Variants in LY86 observed in about 807,000 individuals in gnomAD.
The protein encoded by LY86 is lymphocyte antigen 86, also known as MD-1, RP105-associated.
In LY86, 20 loss-of-function variants were observed where a neutral mutation model predicts 17.3. The ratio of observed to expected loss-of-function variants is 1.15; its 90% CI spans 0.81 to 1.68. LY86 has a LOEUF of 1.68. Ranked by LOEUF, LY86 falls within the 40% of genes most tolerant of loss-of-function variation. The pLI is 0.00. For missense variants in LY86, 200 were observed against 191.9 expected, an observed-to-expected ratio of 1.04 and a Z score of -0.25; for synonymous variants, 74 against 70.6, an observed-to-expected ratio of 1.05 and a Z score of -0.24.
intron 1 of LY86, among the ~76,000 whole-genome samples, chr6:6,600,564 TGAGA>T (rs1324943900): frequency 9.5e-4 from 114 of 119,992 alleles, no homozygotes; most frequent in African/African-American, 2.6e-3. Context: ...CACTCCAGCC[TGAGA>T]GACAGAGTGA....
chr6:6,644,963 A>C (rs1762089597), intron 3 of LY86, among the ~76,000 whole-genome samples: 2 of 152,174 alleles, frequency 1.3e-5, no homozygotes, highest in South Asian at 2.1e-4. Context: ...ATGAGCCCCC[A>C]AAAAAGCTCC....
intron 3 of LY86, among the ~76,000 whole-genome samples, chr6:6,635,612 T>A (rs927596356): frequency 1.3e-5 from 2 of 152,180 alleles, no homozygotes; most frequent in Non-Finnish European, 2.9e-5. Flanking sequence ...CACCTTTGAT[T>A]TCTGGGCCAT....
At chr6:6,608,347 A>C (rs1027888037) in intron 1 of LY86, among the ~76,000 whole-genome samples, 1 of 152,264 alleles carries the variant, frequency 6.6e-6, no homozygotes, top group African/African-American at 2.4e-5. Context: ...ATTTCAAGAG[A>C]TAGCTAGCAT....
chr6:6,621,382 T>G (rs1761670378), intron 1 of LY86: 1 of 152,238 alleles, frequency 6.6e-6, no homozygotes, highest in South Asian at 2.1e-4. Flanking sequence ...TCACTGTTCA[T>G]ACTGTAGAAG....
chr6:6,601,360 GAA>G (rs1760901238), intron 1 of LY86, among the ~76,000 whole-genome samples: 1 of 145,584 alleles, frequency 6.9e-6, no homozygotes, highest in Non-Finnish European at 1.5e-5. Flanking sequence ...GTCAAACATG[GAA>G]ATATCTTCAT....
intron 1 of LY86, among the ~76,000 whole-genome samples, chr6:6,594,595 T>C (rs576337078): frequency 6.6e-6 from 1 of 152,320 alleles, no homozygotes; most frequent in African/African-American, 2.4e-5. Context: ...CTTCGCCAGA[T>C]CAGAGTCTCA....
intron 3 of LY86, among the ~76,000 whole-genome samples, chr6:6,632,389 G>A (rs780881494): frequency 5.3e-5 from 8 of 152,140 alleles, no homozygotes; most frequent in African/African-American, 1.9e-4. Flanking sequence ...TTCATTATTG[G>A]GTAAGAGTGG....
chr6:6,613,022 GTA>G (rs1356363312), intron 1 of LY86, among the ~76,000 whole-genome samples: 3 of 152,154 alleles, frequency 2.0e-5, no homozygotes, highest in African/African-American at 7.2e-5. Context: ...GCTGATTGGT[GTA>G]TTTACAATCC....
At chr6:6,603,591 CAA>C (rs779324556) in intron 1 of LY86, among the ~76,000 whole-genome samples, 1 of 23,378 alleles carries the variant, frequency 4.3e-5, no homozygotes, top group African/African-American at 8.2e-5. Context: ...AAGCCAAAAA[CAA>C]AAACAGAAAC....
At position 6,646,264 on chromosome 6, in the gene LY86, G is replaced by A. The variant is rs367925895; in HGVS notation, c.353-3361G>A. On this transcript the variant is annotated intron_variant, in intron 3 of 4. Transcript: ENST00000230568. ...ACTTGCCCAATTAATAGAAAAAAGA[G>A]CTCAGATTCAAGCCCAGATAGTCTG... Among the ~76,000 whole-genome samples the A allele has an allele frequency of 7.9e-5, 12 of 152,228 alleles. 1 individual carries two copies. In the East Asian group the frequency reaches 1.9e-3, roughly 25 times the overall value.
At chr6:6,628,921 A>C (rs1761851021) in intron 3 of LY86, among the ~76,000 whole-genome samples, 1 of 152,246 alleles carries the variant, frequency 6.6e-6, no homozygotes, top group Non-Finnish European at 1.5e-5. Context: ...ACATGCATCA[A>C]ATCCTAGCAG....
intron 2 of LY86, among the ~76,000 whole-genome samples, chr6:6,626,031 G>T (rs551780736): frequency 8.3e-4 from 127 of 152,330 alleles, no homozygotes; most frequent in African/African-American, 2.8e-3. Context: ...TAGCATCAGG[G>T]TGGGGAGCTC....
chr6:6,599,809 G>T (rs1221518491), intron 1 of LY86, among the ~76,000 whole-genome samples: 1 of 152,172 alleles, frequency 6.6e-6, no homozygotes, highest in Non-Finnish European at 1.5e-5. Context: ...TCCTAACCAT[G>T]GTCACAAAGC....
chr6:6,647,975 ACACACACACACAC>A lies in LY86; in HGVS notation c.353-1649_353-1637del, dbSNP rs1762130746. Among the ~76,000 whole-genome samples, 3 of 29,352 alleles carry A rather than the reference ACACACACACACAC, an allele frequency of 1.0e-4. No homozygotes were observed. In the South Asian group the frequency reaches 5.3e-3, roughly 52 times the overall value. 19.3% of individuals were successfully genotyped at this position (29,352 alleles called of 152,430 possible). ...AGCTCTTCAATCATCACATACACACACACACACACACACACACACACACACACACACACACACT... is the reference window on the plus strand; with the variant it reads ...AGCTCTTCAATCATCACATACACACAACACACACACACACACACACACACT... On this transcript the variant is annotated intron_variant, in intron 3 of 4. Coordinates refer to ENST00000230568, the MANE Select transcript of LY86 (RefSeq NM_004271.4).
At chr6:6,596,858 A>C (rs1760730029) in intron 1 of LY86, among the ~76,000 whole-genome samples, 1 of 152,238 alleles carries the variant, frequency 6.6e-6, no homozygotes, top group African/African-American at 2.4e-5. Flanking sequence ...TACTTTTTAA[A>C]CGAGATGCTA....
At chr6:6,612,583 G>C (rs1251344504) in intron 1 of LY86, among the ~76,000 whole-genome samples, 2 of 148,776 alleles carry the variant, frequency 1.3e-5, no homozygotes, top group African/African-American at 4.9e-5. Context: ...CCTGCAGCCT[G>C]ACTTTATTCT....
chr6:6,646,736 T>G (rs747168655), intron 3 of LY86, among the ~76,000 whole-genome samples: 40 of 152,198 alleles, frequency 2.6e-4, no homozygotes, highest in Middle Eastern at 3.2e-3. Context: ...GATTCTACGG[T>G]ATATTATTAT....
At chr6:6,594,052 T>C (rs1311226004) in intron 1 of LY86, among the ~76,000 whole-genome samples, 2 of 152,274 alleles carry the variant, frequency 1.3e-5, no homozygotes, top group African/African-American at 4.8e-5. Flanking sequence ...AAGGGTCAGA[T>C]AGAGTTCTGG....
rs1383011029 is a variant in LY86, at chr6:6,588,859, A to C, written c.125A>C (p.Tyr42Ser). The C allele has an allele frequency of 1.2e-6, 2 of 1,613,816 alleles. No homozygotes were observed. Among genetic ancestry groups the C allele is most frequent in the African/African-American group, 2.7e-5 (2 of 74,906 alleles). Residue 42 changes from tyrosine to serine, a missense_variant, in exon 1 of 5, where the codon TAC (tyrosine) becomes TCC (serine). By Grantham distance (144) the Tyr-to-Ser change is moderately radical. Coordinates refer to ENST00000230568, the MANE Select transcript of LY86 (RefSeq NM_004271.4). ...VCSDSGLEVL[Y>S]QSCDPLQDFG... ...AGCGACAGCGGCTTGGAAGTGCTCTACCAGAGTTGCGGTAAGCCCTTGCAG... is the reference window on the plus strand; with the variant it reads ...AGCGACAGCGGCTTGGAAGTGCTCTCCCAGAGTTGCGGTAAGCCCTTGCAG...
Sources: allele counts gnomAD v4.1 joint callset (sites outside exome capture counted in the v4.1 genomes callset), GRCh38; gene constraint gnomAD v4.1.1; transcripts MANE v1.5; gene names NCBI Gene and HGNC (gene_info 2026-07-23, HGNC 2026-07-21).